INTS4: variants seen among roughly 807,000 people sequenced by gnomAD.
The protein encoded by INTS4 is integrator complex subunit 4.
INTS4 carries 70 observed loss-of-function variants against 119.5 expected under a neutral mutation model. The ratio of observed to expected loss-of-function variants is 0.59; its 90% CI spans 0.48 to 0.71. INTS4 has a LOEUF of 0.71. Among genes scored for constraint, INTS4 ranks in the 30% least tolerant of loss-of-function variants. INTS4 has a pLI of 0.00. For synonymous variants in INTS4, 316 were observed against 419.6 expected (o/e 0.75, Z 3.02); for missense variants, 867 against 1,173.2 (o/e 0.74, Z 3.81).
Position 77,901,482 on chromosome 11 carries a change from G to T in INTS4, c.2167C>A (p.His723Asn), listed in dbSNP as rs747752113. 6.2e-7 allele frequency: 1 copy of T among 1,612,986 alleles called. No homozygotes were observed. Among genetic ancestry groups the T allele is most frequent in the South Asian group, 1.1e-5 (1 of 91,048 alleles). The change falls in exon 18 of 23, where the codon CAT becomes AAT. Residue 723 changes from histidine to asparagine, a missense_variant. This residue lies in a region of INTS4 where 262 missense variants were observed against 376.0 expected (regional missense o/e 0.70). Transcript: ENST00000534064. Reference sequence around the variant, plus strand: ...GCTTTGGCCTGCAGCCTCATGTGATGTATAATCACCACCTGCTTATTCTCC... The same window carrying T: ...GCTTTGGCCTGCAGCCTCATGTGATTTATAATCACCACCTGCTTATTCTCC... ...GVENKQVVII[H>N]HMRLQAKALQ... is the part of the protein sequence containing the mutation.
Position 77,891,330 on chromosome 11 carries a change from C to A in INTS4, c.2581G>T (p.Val861Phe), listed in dbSNP as rs138031219. The A allele has an allele frequency of 1.2e-6, 2 of 1,610,144 alleles. No individual in the cohort carries two copies. The highest frequency in any genetic ancestry group is 3.4e-5 in the Admixed American group (2 of 59,652). The part of the protein sequence containing the change: ...LEHVQDPQNT[V>F]KVQVLYPDGQ... ...CAAACCCGACAGACCTGGACCTTAA[C>A]AGTGTTCTGAGGATCCTGCACATGC... The change falls in exon 21 of 23, where the codon GTT becomes TTT. Residue 861 changes from valine to phenylalanine, a missense_variant. Val to Phe is a conservative substitution (Grantham distance 50, BLOSUM62 -1). Transcript: ENST00000534064.
intron 2 of INTS4, among the ~76,000 whole-genome samples, chr11:77,982,679 T>C (rs370634052): frequency 6.6e-6 from 1 of 152,152 alleles, no homozygotes; most frequent in Non-Finnish European, 1.5e-5. Flanking sequence ...ATCTCAAGAA[T>C]ATAGCACAAT....
At chr11:77,903,647 G>C in intron 16 of INTS4, 27 bp from the exon 17 acceptor site, 4 of 1,576,142 alleles carry the variant, frequency 2.5e-6, no homozygotes, top group Non-Finnish European at 3.5e-6. Context: ...GGAGGGAACA[G>C]AATACCGAGG....
At chr11:77,909,007 C>A (rs551477042) in intron 15 of INTS4, among the ~76,000 whole-genome samples, 115 of 152,290 alleles carry the variant, frequency 7.6e-4, no homozygotes, top group African/African-American at 2.7e-3. Flanking sequence ...CATTGTCTGT[C>A]TGGATATGTG....
chr11:77,979,394 G>C (rs1298911564), intron 3 of INTS4, among the ~76,000 whole-genome samples: 3 of 151,970 alleles, frequency 2.0e-5, no homozygotes, highest in Non-Finnish European at 4.4e-5. Flanking sequence ...AGGACTGCTT[G>C]AGCCTCAGAG....
rs1007819463 is a variant in INTS4 at position 77,955,950 on chromosome 11, T to C, written c.910A>G (p.Lys304Glu). The C allele has an allele frequency of 5.6e-6, 9 of 1,609,252 alleles. No individual in the cohort carries two copies. Among genetic ancestry groups the C allele is most frequent in the Non-Finnish European group, 7.6e-6 (9 of 1,178,380 alleles). ...TAAAAAGTATAACTTACCAACAGTT[T>C]TGCTGCCTGAACACGAACCACCCAA... ...GSWVVRVQAAKLLGSMEQVSS... is the reference protein window; with the variant it reads ...GSWVVRVQAAELLGSMEQVSS... The change falls in exon 8 of 23, where the codon AAA becomes GAA. Residue 304 changes from lysine (K) to glutamate (E), a missense_variant. By Grantham distance (56) the Lys-to-Glu change is moderately conservative. Coordinates refer to ENST00000534064, the MANE Select transcript of INTS4 (RefSeq NM_033547.4).
chr11:77,897,896 A>C (rs1952601113), intron 18 of INTS4, among the ~76,000 whole-genome samples: 1 of 150,064 alleles, frequency 6.7e-6, no homozygotes, highest in Admixed American at 6.6e-5. Flanking sequence ...GCAGCCTTGA[A>C]CTCCTGGGCT....
chr11:77,960,410 G>GT lies in INTS4; in HGVS notation c.658-20dup. The GT allele has an allele frequency of 6.5e-7, 1 of 1,542,936 alleles. No individual in the cohort carries two copies. The highest frequency in any genetic ancestry group is 1.7e-4 in the Middle Eastern group (1 of 5,912). On this transcript the variant is annotated intron_variant, in intron 5 of 22. Transcript: ENST00000534064. ...GCTGCAACTAGATAATAAATATATA[G>GT]TTTAAGTGCTTGGGAGGAAAAGAGC... is the stretch of plus-strand genomic sequence containing the variant.
chr11:77,950,761 G>C lies in INTS4; in HGVS notation c.918+5181C>G, dbSNP rs574980281. On this transcript the variant is annotated intron_variant, in intron 8 of 22. Transcript: ENST00000534064. Reference sequence around the variant, plus strand: ...TTATACTTTAAGTTTTAGGGTACATGTGCACAACGTGCAGGTTAGTTACAT... The same window carrying C: ...TTATACTTTAAGTTTTAGGGTACATCTGCACAACGTGCAGGTTAGTTACAT... Among the ~76,000 whole-genome samples, 71 of 152,216 alleles carry C rather than the reference G, an allele frequency of 4.7e-4. No individual in the cohort carries two copies. In the Middle Eastern group the frequency reaches 0.01, roughly 22 times the overall value.
chr11:77,982,053 G>A (rs1400207870), intron 2 of INTS4, among the ~76,000 whole-genome samples: 1 of 151,774 alleles, frequency 6.6e-6, no homozygotes, highest in African/African-American at 2.4e-5. Context: ...ATTGCTGCCA[G>A]TACCACTGCT....
downstream of INTS4, among the ~76,000 whole-genome samples, chr11:77,877,207 C>G (rs748257628): frequency 1.3e-5 from 2 of 152,210 alleles, no homozygotes; most frequent in Non-Finnish European, 2.9e-5. Flanking sequence ...TTATTTCTCT[C>G]AACTTCAGCT....
intron 8 of INTS4, among the ~76,000 whole-genome samples, chr11:77,949,331 A>T (rs1295003297): frequency 2.0e-5 from 3 of 152,126 alleles, no homozygotes; most frequent in Non-Finnish European, 4.4e-5. Context: ...TGACTAAAAC[A>T]CCAAAAGCAA....
At position 77,928,212 on chromosome 11, in the gene INTS4, A is replaced by G. The variant is rs1010582812; in HGVS notation, c.1371+130T>C. The G allele has an allele frequency of 8.3e-6, 7 of 847,160 alleles. No homozygotes were observed. The African/African-American group carries it at 1.2e-4, about 15-fold the overall frequency. The allele number at this position is 847,160 out of a possible 1,614,324, so 52.5% of individuals were successfully genotyped here. A position where few individuals can be genotyped will look rare whatever the true frequency, so the allele number is the denominator to read the frequency against. ...CAGTCAATTTCTTCCATCTTAGGGA[A>G]GGGGTATGGTGAGAAAACAGAACTG... On this transcript the variant is annotated intron_variant, in intron 11 of 22. Coordinates refer to ENST00000534064, the MANE Select transcript of INTS4 (RefSeq NM_033547.4).
intron 4 of INTS4, among the ~76,000 whole-genome samples, chr11:77,975,220 G>C (rs1406004300): frequency 6.6e-6 from 1 of 150,670 alleles, no homozygotes; most frequent in Admixed American, 6.6e-5. Context: ...TTTTTTTTAT[G>C]ATGGGCACTT....
chr11:77,918,938 C>T lies in INTS4; in HGVS notation c.1805G>A (p.Ser602Asn), dbSNP rs1953272265. 12 of 1,613,816 alleles carry T rather than the reference C, an allele frequency of 7.4e-6. No individual in the cohort carries two copies. The highest frequency in any genetic ancestry group is 9.3e-6 in the Non-Finnish European group (11 of 1,179,866). The stretch of plus-strand genomic sequence containing the variant: ...GGAAGGATCCTCTTGAGGTATGATG[C>T]TGGGAGAAACAGCTGATGACACCAG... ...RKLVSSAVSP[S>N]IIPQEDPSQQ... Residue 602 changes from serine to asparagine, a missense_variant, in exon 15 of 23, where the codon AGC becomes AAC. Physicochemically the swap from Ser to Asn is conservative, Grantham distance 46 (BLOSUM62 1). Transcript: ENST00000534064.
intron 21 of INTS4, among the ~76,000 whole-genome samples, chr11:77,884,182 CAG>C (rs1365604173): frequency 6.6e-6 from 1 of 152,108 alleles, no homozygotes; most frequent in South Asian, 2.1e-4. Context: ...GTAATATGAA[CAG>C]AGTGTCTCTA....
At chr11:77,885,244 A>C (rs1323054356) in intron 21 of INTS4, among the ~76,000 whole-genome samples, 1 of 151,850 alleles carries the variant, frequency 6.6e-6, no homozygotes, top group Non-Finnish European at 1.5e-5. Context: ...TGCCCGGCTA[A>C]TTTTGTATCT....
intron 2 of INTS4, 141 bp downstream of exon 2, chr11:77,990,967 G>T: frequency 7.5e-6 from 5 of 662,688 alleles, no homozygotes; most frequent in South Asian, 4.2e-5. Flanking sequence ...TTTTATCTCG[G>T]TATCCATAGT....
Position 77,981,495 on chromosome 11 carries a change from T to C in INTS4, c.328A>G (p.Ile110Val), listed in dbSNP as rs199659279. 12 of 1,570,340 alleles carry C rather than the reference T, an allele frequency of 7.6e-6. No homozygotes were observed. In the Admixed American group the frequency reaches 8.9e-5, roughly 12 times the overall value. Residue 110 changes from isoleucine to valine, a missense_variant, in exon 3 of 23, where the codon ATT becomes GTT. Ile to Val is a conservative substitution (Grantham distance 29). This residue lies in a region of INTS4 where 224 missense variants were observed against 231.8 expected (regional missense o/e 0.97). Transcript: ENST00000534064. ...AGGATGTTGATGGCATCATCCATAA[T>C]GCAGTCTGGTGAAAATCCTGCTGTC... ...SKTAGFSPDC[I>V]MDDAINILQN...
Sources: allele counts gnomAD v4.1 joint callset (sites outside exome capture counted in the v4.1 genomes callset), GRCh38; gene constraint gnomAD v4.1.1; regional missense constraint gnomAD v4.1.1; transcripts MANE v1.5; gene names NCBI Gene and HGNC (gene_info 2026-07-23, HGNC 2026-07-21).